PDE4B: variants seen among roughly 807,000 people sequenced by gnomAD.
PDE4B encodes the protein 3',5'-cyclic-AMP phosphodiesterase 4B.
Under a neutral mutation model 82.2 loss-of-function variants are expected in PDE4B, and 20 were observed. The ratio of observed to expected loss-of-function variants is 0.24; its 90% confidence interval spans 0.17 to 0.35. The LOEUF is 0.35. Among genes scored for constraint, PDE4B ranks in the 10% least tolerant of loss-of-function variants. The pLI is 1.00. For synonymous variants in PDE4B, 320 were observed against 318.9 expected (o/e 1.00, Z -0.04); for missense variants, 655 against 907.2 (o/e 0.72, Z 3.57).
At chr1:65,950,243 C>T (rs953529129) in intron 3 of PDE4B, among the ~76,000 whole-genome samples, 2 of 151,998 alleles carry the variant, frequency 1.3e-5, no homozygotes, top group Non-Finnish European at 1.5e-5. Context: ...GCAGCTATTG[C>T]ACCGCTTCCA....
chr1:65,950,707 A>G (rs1648949511), intron 3 of PDE4B, among the ~76,000 whole-genome samples: 1 of 152,000 alleles, frequency 6.6e-6, no homozygotes, highest in Non-Finnish European at 1.5e-5. Context: ...GAAGGGAGGG[A>G]AAGTGGTGTA....
Position 65,913,329 on chromosome 1 carries a change from G to A in PDE4B, c.15G>A (p.Arg5=). The part of the protein sequence containing the change: MKKS[R]SVMTVMADDN... ...CCACCTCTATAATGAAGAAAAGCAG[G>A]AGTGTGATGACGGTGATGGCTGATG... The change falls in exon 2 of 17, where the codon AGG becomes AGA. Residue 5 remains arginine, a synonymous_variant. Coordinates refer to ENST00000341517, the MANE Select transcript of PDE4B (RefSeq NM_002600.4). 2 of 1,613,722 alleles carry A rather than the reference G, an allele frequency of 1.2e-6. No individual in the cohort carries two copies. Among genetic ancestry groups the A allele is most frequent in the Non-Finnish European group, 1.7e-6 (2 of 1,179,668 alleles).
intron 3 of PDE4B, among the ~76,000 whole-genome samples, chr1:65,933,688 G>C (rs1400334554): frequency 1.3e-5 from 2 of 151,672 alleles, no homozygotes; most frequent in Non-Finnish European, 2.9e-5. Context: ...AAAAAGTGGA[G>C]AGTTGATCAG....
intron 3 of PDE4B, among the ~76,000 whole-genome samples, chr1:66,161,448 T>A (rs1342326574): frequency 6.6e-6 from 1 of 152,184 alleles, no homozygotes; most frequent in Non-Finnish European, 1.5e-5. Flanking sequence ...AATACTCAAT[T>A]CTTTGTAAAA....
intron 7 of PDE4B, among the ~76,000 whole-genome samples, chr1:66,303,204 G>A (rs1658023132): frequency 6.6e-6 from 1 of 152,122 alleles, no homozygotes; most frequent in African/African-American, 2.4e-5. Context: ...TAGCCAAGAG[G>A]AAGTTTTGCT....
intron 3 of PDE4B, among the ~76,000 whole-genome samples, chr1:66,194,675 T>C (rs559321): frequency 0.23 from 35,307 of 152,046 alleles, 4,218 homozygotes; most frequent in African/African-American, 0.28. Flanking sequence ...TATATTCTAA[T>C]TTCTAAGGTT....
intron 7 of PDE4B, among the ~76,000 whole-genome samples, chr1:66,283,874 G>A (rs1040669849): frequency 5.3e-5 from 8 of 152,050 alleles, no homozygotes; most frequent in Admixed American, 1.3e-4. Flanking sequence ...GAGAGAGAAG[G>A]GAGAGAGAGC....
At chr1:66,108,324 A>G (rs1393567629) in intron 3 of PDE4B, among the ~76,000 whole-genome samples, 1 of 151,982 alleles carries the variant, frequency 6.6e-6, no homozygotes, top group African/African-American at 2.4e-5. Context: ...AAACTAAAAC[A>G]TAAGACCTGA....
intron 1 of PDE4B, among the ~76,000 whole-genome samples, chr1:65,912,334 C>T (rs1280999418): frequency 6.6e-6 from 1 of 152,144 alleles, no homozygotes; most frequent in Non-Finnish European, 1.5e-5. Flanking sequence ...GTGAACCCAT[C>T]AACCCAAATA....
At chr1:65,945,729 G>A (rs1374979412) in intron 3 of PDE4B, among the ~76,000 whole-genome samples, 1 of 151,996 alleles carries the variant, frequency 6.6e-6, no homozygotes, top group Non-Finnish European at 1.5e-5. Flanking sequence ...AGGTGGTCAA[G>A]TATAGAGATT....
At chr1:66,194,181 A>C (rs1047254473) in intron 3 of PDE4B, among the ~76,000 whole-genome samples, 1 of 152,088 alleles carries the variant, frequency 6.6e-6, no homozygotes, top group Admixed American at 6.6e-5. Context: ...TCCTAAAGCC[A>C]AATTCCCTGA....
chr1:66,002,029 A>G (rs1019377403), intron 3 of PDE4B, among the ~76,000 whole-genome samples: 1 of 152,084 alleles, frequency 6.6e-6, no homozygotes, highest in Non-Finnish European at 1.5e-5. Flanking sequence ...GGCCTATAGT[A>G]TATGCTTTAC....
At chr1:66,094,523 A>G (rs1645080095) in intron 3 of PDE4B, 1 of 151,992 alleles carries the variant, frequency 6.6e-6, no homozygotes, top group African/African-American at 2.4e-5. Flanking sequence ...CTCATTGGCT[A>G]TGATATTGCT....
intron 3 of PDE4B, among the ~76,000 whole-genome samples, chr1:66,158,207 A>G (rs368316772): frequency 1.3e-5 from 2 of 152,240 alleles, no homozygotes; most frequent in African/African-American, 4.8e-5. Flanking sequence ...GAGAAAACAC[A>G]ATGGTATTAC....
Position 66,024,027 on chromosome 1 carries a change from G to T in PDE4B, c.281+105192G>T, listed in dbSNP as rs1347702789. On this transcript the variant is annotated intron_variant, in intron 3 of 16. Transcript: ENST00000341517. The stretch of plus-strand genomic sequence containing the variant: ...TTAATAATGTGAATTGTTTCAGGCG[G>T]TTTATTTTTTACCTTTTGTGCTGCC... Among the ~76,000 whole-genome samples, 10 of 151,992 alleles carry T rather than the reference G, an allele frequency of 6.6e-5. No individual in the cohort carries two copies. The East Asian group carries it at 1.7e-3, about 26-fold the overall frequency.
At chr1:66,261,638 C>A (rs531279104) in intron 6 of PDE4B, among the ~76,000 whole-genome samples, 2 of 152,304 alleles carry the variant, frequency 1.3e-5, no homozygotes, top group Non-Finnish European at 2.9e-5. Context: ...TGGCTCTTTG[C>A]TGTGCATAAA....
At chr1:66,277,731 C>T (rs909883162) in intron 7 of PDE4B, among the ~76,000 whole-genome samples, 8 of 152,188 alleles carry the variant, frequency 5.3e-5, no homozygotes, top group African/African-American at 1.9e-4. Context: ...TCTTTGAGCC[C>T]CAAGTCTGGG....
At chr1:66,008,352 A>G (rs181254702) in intron 3 of PDE4B, among the ~76,000 whole-genome samples, 2 of 152,132 alleles carry the variant, frequency 1.3e-5, no homozygotes, top group South Asian at 2.1e-4. Context: ...ATTGTCAACC[A>G]CCTGCTTGAT....
Position 66,193,147 on chromosome 1 carries a change from GT to G in PDE4B, c.282-54312del, listed in dbSNP as rs1474951950. 5.3e-5 allele frequency among the ~76,000 whole-genome samples: 8 copies of G among 152,322 alleles called. No individual in the cohort carries two copies. In the East Asian group the frequency reaches 1.3e-3, roughly 26 times the overall value. On this transcript the variant is annotated intron_variant, in intron 3 of 16. Coordinates refer to ENST00000341517, the MANE Select transcript of PDE4B (RefSeq NM_002600.4). Reference sequence around the variant, plus strand: ...CTTCATGATCATATATGGAAAGAAAGTAAGATGTTTCCACAAGAAAGGAATT... The same window carrying G: ...CTTCATGATCATATATGGAAAGAAAGAAGATGTTTCCACAAGAAAGGAATT...
Sources: gnomAD v4.1 joint callset for allele counts (sites outside exome capture counted in the v4.1 genomes callset) on GRCh38, gnomAD v4.1.1 for gene constraint, MANE v1.5 for transcripts, NCBI Gene and HGNC (gene_info 2026-07-23, HGNC 2026-07-21) for gene names.